TMEM185A: variants seen among roughly 807,000 people sequenced by gnomAD.
The protein encoded by TMEM185A is family with sequence similarity 11, member A.
Under a neutral mutation model 25.0 loss-of-function variants are expected in TMEM185A, and 9 were observed. That is an observed-to-expected ratio of 0.36 (90% CI 0.22 to 0.63). The LOEUF (loss-of-function observed/expected upper bound fraction) is 0.63, where lower values mean the gene tolerates loss of function less well. Ranked by LOEUF, TMEM185A falls within the 20% of genes least tolerant of loss-of-function variation. The pLI is 0.68. For synonymous variants in TMEM185A, 45 were observed against 93.5 expected (o/e 0.48, Z 2.99); for missense variants, 103 against 237.4 (o/e 0.43, Z 3.72).
rs782659303 is a variant in TMEM185A, at chrX:149,630,221, C to CAA, written c.38+1320_38+1321dup. ...GGCACTCCTAACCAGAACATGAACT[C>CAA]AAAGTGGAATAAGAGCACATACAAA... On this transcript the variant is annotated intron_variant, in intron 1 of 6. Transcript: ENST00000600449. 5.4e-5 allele frequency among the ~76,000 whole-genome samples: 6 copies of CAA among 111,709 alleles called. No individual in the cohort carries two copies. The Admixed American group carries it at 5.7e-4, about 11-fold the overall frequency.
rs782235829 is a variant in TMEM185A at position 149,613,494 on chromosome X, G to T, written c.39-2031C>A. Among the ~76,000 whole-genome samples, 8 of 111,819 alleles carry T rather than the reference G, an allele frequency of 7.2e-5. No individual in the cohort carries two copies. The South Asian group carries it at 2.7e-3, about 37-fold the overall frequency. ...GGGACCTCAGCCCTACAACCCCAAGGAACTAAATTCTGACAATAGCCCAAA... is the reference window on the plus strand; with the variant it reads ...GGGACCTCAGCCCTACAACCCCAAGTAACTAAATTCTGACAATAGCCCAAA... On this transcript the variant is annotated intron_variant, in intron 1 of 6. Coordinates refer to ENST00000600449, the MANE Select transcript of TMEM185A (RefSeq NM_032508.4).
chrX:149,630,727 G>A (rs1413089489), intron 1 of TMEM185A, among the ~76,000 whole-genome samples: 2 of 111,159 alleles, frequency 1.8e-5, no homozygotes, highest in African/African-American at 6.6e-5. Flanking sequence ...GGTGGGAGGC[G>A]CTGGGGACAC....
At position 149,608,807 on chromosome X, in the gene TMEM185A, A is replaced by G. The variant is rs1171896333; in HGVS notation, c.243T>C (p.Phe81=). ...YRAEGETCVE[F]KAMLIAVGIH... ...TGCCCACTGCAATCAACATGGCTTTAAACTCCACACACGTTTCTCCTTCTG... is the reference window on the plus strand; with the variant it reads ...TGCCCACTGCAATCAACATGGCTTTGAACTCCACACACGTTTCTCCTTCTG... The change falls in exon 3 of 7, where the codon TTT becomes TTC. Residue 81 remains phenylalanine (F), a synonymous_variant. Transcript: ENST00000600449. 1.7e-6 allele frequency: 2 copies of G among 1,211,625 alleles called. No individual in the cohort carries two copies. The highest frequency in any genetic ancestry group is 4.3e-5 in the Admixed American group (2 of 46,028).
At chrX:149,603,681 T>C in intron 4 of TMEM185A, 1 of 192,674 alleles carries the variant, frequency 5.2e-6, no homozygotes, top group Non-Finnish European at 9.5e-6. Context: ...TTGAAGAATA[T>C]TTTGTATCAA....
chrX:149,597,224 G>GGT lies in TMEM185A; in HGVS notation c.*786_*787insAC, dbSNP rs1557351851. On this transcript the variant is annotated 3_prime_UTR_variant, in exon 7 of 7. Coordinates refer to ENST00000600449, the MANE Select transcript of TMEM185A (RefSeq NM_032508.4). ...CCATGAAGGCGTGGCACCCCACGGG[G>GGT]GGGGGGGGAGTGTGCCACGGGCGTC... 1.2e-5 allele frequency: 1 copy of GGT among 82,165 alleles called. No homozygotes were observed. Among genetic ancestry groups the GGT allele is most frequent in the Admixed American group, 1.2e-4 (1 of 8,174 alleles). 6.8% of individuals were successfully genotyped at this position (82,165 alleles called of 1,213,427 possible).
chrX:149,607,382 T>C (rs2090058136), intron 3 of TMEM185A, among the ~76,000 whole-genome samples: 1 of 112,167 alleles, frequency 8.9e-6, no homozygotes, highest in Admixed American at 9.4e-5. Context: ...TGCAGTTATG[T>C]AGTTATGTGC....
intron 2 of TMEM185A, 111 bp from the exon 3 acceptor site, chrX:149,608,945 T>C: frequency 1.4e-6 from 1 of 727,520 alleles, no homozygotes; most frequent in African/African-American, 2.2e-5. Context: ...TACTTGAAAA[T>C]TTGACAAAAG....
chrX:149,620,353 T>C (rs192815692), intron 1 of TMEM185A, among the ~76,000 whole-genome samples: 67 of 112,528 alleles, frequency 6.0e-4, no homozygotes, highest in African/African-American at 2.1e-3. Flanking sequence ...AGTCAACCAT[T>C]GCACTTCAGC....
intron 1 of TMEM185A, among the ~76,000 whole-genome samples, chrX:149,615,992 C>A (rs1392009530): frequency 9.0e-6 from 1 of 111,648 alleles, no homozygotes; most frequent in Non-Finnish European, 1.9e-5. Flanking sequence ...CTTCTCAATA[C>A]CCTTCACATG....
In TMEM185A at chrX:149,631,570, C is replaced by T. The variant is rs782127671; in HGVS notation, c.11G>A (p.Arg4Lys). The T allele has an allele frequency of 4.2e-5, 49 of 1,169,663 alleles. No individual in the cohort carries two copies. The highest frequency in any genetic ancestry group is 4.0e-4 in the African/African-American group (22 of 55,574). MNL[R>K]GLFQDFNPSK... ...CGGGTTGAAGTCCTGGAAGAGGCCC[C>T]TCAGGTTCATGGCGGAGAACTTCAC... The change falls in exon 1 of 7, where the codon AGG becomes AAG. Residue 4 changes from arginine (R) to lysine (K), a missense_variant. Transcript: ENST00000600449.
At chrX:149,630,962 T>C (rs1488087367) in intron 1 of TMEM185A, among the ~76,000 whole-genome samples, 2 of 111,131 alleles carry the variant, frequency 1.8e-5, no homozygotes, top group African/African-American at 6.6e-5. Context: ...GTATGGAAAA[T>C]GATCAGGCTC....
chrX:149,611,501 T>C, intron 1 of TMEM185A, 38 bp from the exon 2 acceptor site: 1 of 1,137,428 alleles, frequency 8.8e-7, no homozygotes, highest in South Asian at 2.1e-5. Flanking sequence ...GGATTCACTT[T>C]TACAAATATG....
At chrX:149,627,288 CAT>C (rs2090168900) in intron 1 of TMEM185A, among the ~76,000 whole-genome samples, 1 of 112,775 alleles carries the variant, frequency 8.9e-6, no homozygotes, top group Admixed American at 9.3e-5. Flanking sequence ...TGCCTGCAAA[CAT>C]ATTGTTAACA....
intron 1 of TMEM185A, among the ~76,000 whole-genome samples, chrX:149,629,964 A>G (rs980936346): frequency 4.5e-5 from 5 of 112,129 alleles, no homozygotes; most frequent in Admixed American, 3.7e-4. Flanking sequence ...AAAACAATAG[A>G]TAAGTGAGTT....
intron 1 of TMEM185A, among the ~76,000 whole-genome samples, chrX:149,613,309 G>T (rs782434391): frequency 1.5e-4 from 17 of 112,198 alleles, no homozygotes; most frequent in Non-Finnish European, 2.6e-4. Flanking sequence ...AAATGTGGTG[G>T]AAGAGAGATG....
Position 149,631,598 on chromosome X carries a change from C to T in TMEM185A, c.-18G>A. On this transcript the variant is annotated 5_prime_UTR_variant, in exon 1 of 7. Coordinates refer to ENST00000600449, the MANE Select transcript of TMEM185A (RefSeq NM_032508.4). ...AGGTTCATGGCGGAGAACTTCACCG[C>T]GGCGTCCTCCTCCTCCTCCCCCGCA... 8.6e-7 allele frequency: 1 copy of T among 1,158,751 alleles called. No homozygotes were observed. The highest frequency in any genetic ancestry group is 1.2e-6 in the Non-Finnish European group (1 of 867,626).
chrX:149,629,214 G>A (rs1307588673), intron 1 of TMEM185A, among the ~76,000 whole-genome samples: 5 of 111,709 alleles, frequency 4.5e-5, no homozygotes, highest in Admixed American at 2.8e-4. Context: ...GAGAGGAAAA[G>A]AGAGGGAAAC....
At chrX:149,602,223 CTTCAT>C (rs1160003555) in intron 4 of TMEM185A, 4 of 108,167 alleles carry the variant, frequency 3.7e-5, no homozygotes, top group African/African-American at 6.7e-5. Flanking sequence ...TGTGGCCTGT[CTTCAT>C]TTCATTTTAA....
At chrX:149,607,822 T>C (rs2090060416) in intron 3 of TMEM185A, among the ~76,000 whole-genome samples, 1 of 111,926 alleles carries the variant, frequency 8.9e-6, no homozygotes, top group Non-Finnish European at 1.9e-5. Flanking sequence ...TACCCAGTTA[T>C]TTAATCAAAC....
Sources: gnomAD v4.1 joint callset for allele counts (sites outside exome capture counted in the v4.1 genomes callset) on GRCh38, gnomAD v4.1.1 for gene constraint, MANE v1.5 for transcripts, NCBI Gene and HGNC (gene_info 2026-07-23, HGNC 2026-07-21) for gene names.